Variants in TBX5 observed in about 807,000 individuals in gnomAD.
The protein encoded by TBX5 is T-box transcription factor 5, also known as T-box transcription factor TBX5.
A neutral mutation model predicts 51.1 loss-of-function variants in TBX5; 8 were observed. The ratio of observed to expected loss-of-function variants is 0.16; its 90% CI spans 0.09 to 0.28. TBX5 has a LOEUF of 0.28. Ranked by LOEUF, TBX5 falls within the 10% of genes least tolerant of loss-of-function variation. TBX5 has a pLI of 1.00. For missense variants in TBX5, 589 were observed against 671.7 expected (o/e 0.88, Z 1.36); for synonymous variants, 302 against 266.4 (o/e 1.13, Z -1.30).
At chr12:114,406,781 C>A (rs186178013), upstream of TBX5, among the ~76,000 whole-genome samples, 4 of 152,286 alleles carry the variant, frequency 2.6e-5, no homozygotes, top group East Asian at 7.7e-4. Flanking sequence ...ATCAAACAGT[C>A]ACTGGGGACT....
At chr12:114,368,396 GA>G (rs1457319104) in intron 7 of TBX5, among the ~76,000 whole-genome samples, 1 of 152,146 alleles carries the variant, frequency 6.6e-6, no homozygotes, top group Admixed American at 6.5e-5. Flanking sequence ...GAGTATACCT[GA>G]AATAATATCA....
chr12:114,393,630 C>G (rs1462997905), intron 6 of TBX5, among the ~76,000 whole-genome samples: 2 of 152,182 alleles, frequency 1.3e-5, no homozygotes, highest in Non-Finnish European at 2.9e-5. Context: ...CAACCTGCCG[C>G]TATAGGCAGC....
chr12:114,369,649 A>T (rs1018149583), intron 7 of TBX5, among the ~76,000 whole-genome samples: 1 of 152,350 alleles, frequency 6.6e-6, no homozygotes, highest in African/African-American at 2.4e-5. Flanking sequence ...GGTTAGTATG[A>T]CAGAAATCTC....
At chr12:114,394,968 G>A (rs1038527561) in intron 5 of TBX5, 75 bp from the exon 6 acceptor site, 86 of 1,501,526 alleles carry the variant, frequency 5.7e-5, no homozygotes, top group East Asian at 6.8e-5. Context: ...CCTGCTCCCC[G>A]CCCTCTAAAT....
rs551565689 is a variant in TBX5, at chr12:114,358,777, T to G, written c.983-2671A>C. ...TCACCTTTTAACTGTGCGGGGTTTT[T>G]TTTGTTTGTTTGTTTGTTTGTTTGT... On this transcript the variant is annotated intron_variant, in intron 8 of 8. Coordinates refer to ENST00000405440, the MANE Select transcript of TBX5 (RefSeq NM_181486.4). Among the ~76,000 whole-genome samples the G allele has an allele frequency of 2.8e-3, 429 of 150,704 alleles. 1 individual carries two copies. Among genetic ancestry groups the G allele is most frequent in the African/African-American group, 7.9e-3 (324 of 40,918 alleles).
At chr12:114,402,919 G>T (rs895454563) in intron 2 of TBX5, among the ~76,000 whole-genome samples, 25 of 152,192 alleles carry the variant, frequency 1.6e-4, no homozygotes, top group Admixed American at 6.5e-5. Flanking sequence ...GAGAGAAGCC[G>T]GGAAAAGCCA....
In TBX5 at chr12:114,400,091, A is replaced by G. The variant is rs113501287; in HGVS notation, c.243-459T>C. ...CGTTGCTAAGGTGTCACGTGTACAC[A>G]AGGTGTGTGCGCCCCAGAGATGCAC... is the stretch of plus-strand genomic sequence containing the variant. On this transcript the variant is annotated intron_variant, in intron 3 of 8. Transcript: ENST00000405440. 5.2e-3 allele frequency among the ~76,000 whole-genome samples: 793 copies of G among 152,258 alleles called. 7 individuals carry two copies. The highest frequency in any genetic ancestry group is 0.018 in the African/African-American group (752 of 41,552).
chr12:114,378,098 G>A (rs1870295587), intron 7 of TBX5, among the ~76,000 whole-genome samples: 1 of 152,072 alleles, frequency 6.6e-6, no homozygotes, highest in Admixed American at 6.6e-5. Context: ...AGAGAGCAAG[G>A]AAGTAAAGGG....
chr12:114,387,192 C>T (rs1870865054), intron 6 of TBX5, among the ~76,000 whole-genome samples: 1 of 152,136 alleles, frequency 6.6e-6, no homozygotes, highest in Admixed American at 6.5e-5. Context: ...TAAAAATCAT[C>T]TCGAGTCTTT....
At chr12:114,389,369 A>C (rs1423263028) in intron 6 of TBX5, among the ~76,000 whole-genome samples, 2 of 152,070 alleles carry the variant, frequency 1.3e-5, no homozygotes, top group African/African-American at 4.8e-5. Context: ...TTTCTTTCTC[A>C]CTCAGCTTTT....
chr12:114,398,224 T>G (rs1359249261), intron 5 of TBX5, among the ~76,000 whole-genome samples: 3 of 152,074 alleles, frequency 2.0e-5, no homozygotes, highest in Non-Finnish European at 4.4e-5. Context: ...GACCCAGATC[T>G]GGGGAGTGTG....
At chr12:114,361,270 C>T (rs534403918) in intron 8 of TBX5, among the ~76,000 whole-genome samples, 24 of 152,302 alleles carry the variant, frequency 1.6e-4, no homozygotes, top group South Asian at 6.2e-4. Flanking sequence ...GATGTGAAAT[C>T]GCATTTTAAA....
intron 1 of TBX5, among the ~76,000 whole-genome samples, chr12:114,405,422 G>A (rs1203220465): frequency 6.6e-6 from 1 of 152,224 alleles, no homozygotes; most frequent in African/African-American, 2.4e-5. Flanking sequence ...ACCAGGCCGT[G>A]CTTCTGCAAA....
At chr12:114,404,732 G>C (rs919507218) in intron 1 of TBX5, among the ~76,000 whole-genome samples, 1 of 152,118 alleles carries the variant, frequency 6.6e-6, no homozygotes, top group Non-Finnish European at 1.5e-5. Flanking sequence ...CTCTGATGCC[G>C]GGCGGGGGAT....
At chr12:114,391,961 T>C (rs1045559906) in intron 6 of TBX5, among the ~76,000 whole-genome samples, 3 of 152,022 alleles carry the variant, frequency 2.0e-5, no homozygotes, top group African/African-American at 7.3e-5. Context: ...CCCATGAAAT[T>C]TCTCTCCCGG....
rs754267671 is a variant in TBX5 at position 114,399,525 on chromosome 12, G to A, written c.350C>T (p.Ala117Val). The change falls in exon 4 of 9, where the codon GCA (alanine) becomes GTA (valine). Residue 117 changes from alanine to valine, a missense_variant. Ala to Val is a moderately conservative substitution (Grantham distance 64). This residue lies in a region of TBX5 where 85 missense variants were observed against 95.6 expected (regional missense o/e 0.89). Transcript: ENST00000405440. The stretch of plus-strand genomic sequence containing the variant: ...CCCCAGTGCCTACCATTTATTATCT[G>A]CGAATTTGTATCTGTGATCGTCGGC... ...VPADDHRYKF[A>V]DNKWSVTGKA... The A allele has an allele frequency of 1.2e-6, 2 of 1,613,754 alleles. No individual in the cohort carries two copies. Among genetic ancestry groups the A allele is most frequent in the South Asian group, 1.1e-5 (1 of 91,036 alleles).
intron 7 of TBX5, among the ~76,000 whole-genome samples, chr12:114,380,048 A>G (rs1444148366): frequency 1.3e-5 from 2 of 152,020 alleles, no homozygotes; most frequent in Non-Finnish European, 2.9e-5. Flanking sequence ...CCAGCCCCCT[A>G]GACTTTTAGA....
intron 6 of TBX5, among the ~76,000 whole-genome samples, chr12:114,394,439 T>A (rs1435780862): frequency 6.6e-6 from 1 of 152,218 alleles, no homozygotes; most frequent in African/African-American, 2.4e-5. Flanking sequence ...AGGCATTTCA[T>A]AAGGTCAGTG....
chr12:114,388,220 C>T (rs1280451269), intron 6 of TBX5, among the ~76,000 whole-genome samples: 3 of 152,048 alleles, frequency 2.0e-5, no homozygotes, highest in Admixed American at 1.3e-4. Context: ...TGCACTGGCA[C>T]GATCTCGGCT....
Sources: gnomAD v4.1 joint callset for allele counts (sites outside exome capture counted in the v4.1 genomes callset) on GRCh38, gnomAD v4.1.1 for gene constraint, gnomAD v4.1.1 regional missense constraint, MANE v1.5 for transcripts, NCBI Gene and HGNC (gene_info 2026-07-23, HGNC 2026-07-21) for gene names.